Variants in AVEN observed in about 807,000 individuals in gnomAD.
The protein encoded by AVEN is apoptosis and caspase activation inhibitor.
Under a neutral mutation model 38.1 loss-of-function variants are expected in AVEN, and 41 were observed. That is an observed-to-expected ratio of 1.08 (90% CI 0.84 to 1.40). The LOEUF is 1.40. Among genes scored for constraint, AVEN ranks in the 40% most tolerant of loss-of-function variants. The pLI is 0.00. For synonymous variants in AVEN, 206 were observed against 171.8 expected (o/e 1.20, Z -1.56); for missense variants, 605 against 438.8 (o/e 1.38, Z -3.38).
At chr15:33,987,715 T>C (rs1439616038) in intron 2 of AVEN, among the ~76,000 whole-genome samples, 2 of 152,196 alleles carry the variant, frequency 1.3e-5, no homozygotes, top group African/African-American at 2.4e-5. Context: ...GGCTTTTGTT[T>C]CAACTGCAAC....
At chr15:33,975,778 A>C (rs536781462) in intron 2 of AVEN, among the ~76,000 whole-genome samples, 3 of 152,222 alleles carry the variant, frequency 2.0e-5, no homozygotes, top group African/African-American at 7.2e-5. Context: ...GAGAATACAA[A>C]AATTAGCCGG....
intron 2 of AVEN, among the ~76,000 whole-genome samples, chr15:33,930,799 C>CA (rs1357610133): frequency 6.6e-6 from 1 of 151,910 alleles, no homozygotes; most frequent in East Asian, 1.9e-4. Flanking sequence ...ACTAAAAATA[C>CA]AAAAAATTAA....
At chr15:34,064,407 A>G in intron 4 of AVEN, 1 of 1,407,078 alleles carries the variant, frequency 7.1e-7, no homozygotes, top group Non-Finnish European at 9.4e-7. Context: ...ATTTTCAAAA[A>G]GAAGACATCT....
intron 4 of AVEN, among the ~76,000 whole-genome samples, chr15:33,870,397 A>C (rs941325786): frequency 4.6e-5 from 7 of 152,156 alleles, no homozygotes; most frequent in African/African-American, 1.7e-4. Flanking sequence ...TCTCGTTTAA[A>C]TGCCAGCTCA....
chr15:33,861,856 C>T (rs1888355033), downstream of AVEN, among the ~76,000 whole-genome samples: 1 of 152,106 alleles, frequency 6.6e-6, no homozygotes, highest in Admixed American at 6.5e-5. Context: ...AACTCCTGAC[C>T]TCAGGTGATC....
intron 1 of AVEN, among the ~76,000 whole-genome samples, chr15:34,018,622 A>C (rs1898062351): frequency 6.6e-6 from 1 of 152,194 alleles, no homozygotes; most frequent in African/African-American, 2.4e-5. Flanking sequence ...TGCAGCAGCA[A>C]GACTTATTGT....
At chr15:33,853,760 A>G in the AVEN span, 10 of 1,532,462 alleles carry the variant, frequency 6.5e-6, no homozygotes, top group Admixed American at 5.7e-5. Flanking sequence ...AAAAATCACA[A>G]CCGTGTCTTT....
downstream of AVEN, among the ~76,000 whole-genome samples, chr15:33,863,525 C>A (rs530008645): frequency 5.9e-5 from 9 of 152,288 alleles, no homozygotes; most frequent in East Asian, 1.4e-3. Flanking sequence ...TCTCTGAGAT[C>A]ATATAATGTG....
chr15:34,063,310 C>T lies in AVEN; in HGVS notation n.1249G>A. The T allele has an allele frequency of 3.1e-6, 5 of 1,614,138 alleles. No individual in the cohort carries two copies. Among genetic ancestry groups the T allele is most frequent in the Non-Finnish European group, 4.2e-6 (5 of 1,180,038 alleles). The stretch of plus-strand genomic sequence containing the variant: ...GAGCCCACCATCACTTTTGGCACTG[C>T]CATTGCTGCCTTCTACATCCCTGTT... On this transcript the variant is annotated non_coding_transcript_exon_variant, in exon 5 of 12. Coordinates refer to the AVEN transcript ENST00000675287. This position sits in a 1 kb window ranked among gnomAD's most constrained non-coding sequence, Gnocchi z 4.1.
At chr15:33,853,434 A>G in the AVEN span, 5 of 1,258,034 alleles carry the variant, frequency 4.0e-6, no homozygotes, top group African/African-American at 1.5e-5. Context: ...ATTTTGAACT[A>G]TGTCTTCATC....
In AVEN at chr15:33,879,011, G is replaced by T. The variant is rs192634753; in HGVS notation, c.446-3016C>A. Among the ~76,000 whole-genome samples the T allele has an allele frequency of 7.2e-3, 1,098 of 152,110 alleles. 16 individuals carry two copies. Among genetic ancestry groups the T allele is most frequent in the African/African-American group, 0.025 (1,044 of 41,498 alleles). ...TACAAGATTCAGTAATGTAAAAAAG[G>T]CATGCTATATATACTTATTTTTAAT... On this transcript the variant is annotated intron_variant, in intron 2 of 5. Coordinates refer to ENST00000306730, the MANE Select transcript of AVEN (RefSeq NM_020371.3).
intron 4 of AVEN, among the ~76,000 whole-genome samples, chr15:33,868,568 A>G (rs79306679): frequency 2.0e-5 from 3 of 148,016 alleles, no homozygotes; most frequent in East Asian, 2.0e-4. Flanking sequence ...AAAAAAAAAA[A>G]GTCACCAGGA....
intron 1 of AVEN, among the ~76,000 whole-genome samples, chr15:34,074,234 G>C (rs1382163321): frequency 6.6e-6 from 1 of 151,460 alleles, no homozygotes; most frequent in East Asian, 1.9e-4. Context: ...CTGACTTCAA[G>C]TGATCCACCC....
At chr15:33,986,303 G>T (rs555637017) in intron 2 of AVEN, among the ~76,000 whole-genome samples, 2 of 151,958 alleles carry the variant, frequency 1.3e-5, no homozygotes, top group Non-Finnish European at 2.9e-5. Flanking sequence ...TAGAAACGGG[G>T]TTTCACCATG....
At chr15:33,920,561 A>T (rs551310009) in intron 2 of AVEN, among the ~76,000 whole-genome samples, 7 of 152,294 alleles carry the variant, frequency 4.6e-5, no homozygotes, top group African/African-American at 1.7e-4. Flanking sequence ...TTTATCTTTC[A>T]ACGAAAAGAA....
intron 2 of AVEN, among the ~76,000 whole-genome samples, chr15:33,905,431 T>C (rs1037551716): frequency 6.6e-6 from 1 of 152,204 alleles, no homozygotes; most frequent in East Asian, 1.9e-4. Context: ...CTGACATGTA[T>C]TAGATGCTCA....
intron 2 of AVEN, among the ~76,000 whole-genome samples, chr15:33,904,262 A>G (rs998264860): frequency 1.3e-5 from 2 of 152,224 alleles, no homozygotes. Flanking sequence ...TCTACAAAAT[A>G]TTTAAAAATT....
At chr15:34,073,634 C>G (rs533394124) in intron 1 of AVEN, among the ~76,000 whole-genome samples, 1 of 151,124 alleles carries the variant, frequency 6.6e-6, no homozygotes, top group Admixed American at 6.6e-5. Flanking sequence ...AATTCTCCTG[C>G]CTCAGCCTCC....
At chr15:33,900,308 A>ATTTT (rs59027472) in intron 2 of AVEN, among the ~76,000 whole-genome samples, 1 of 147,770 alleles carries the variant, frequency 6.8e-6, no homozygotes, top group African/African-American at 2.5e-5. Context: ...TTGGGAGAAC[A>ATTTT]TTTTTTTTTT....
Sources: allele counts gnomAD v4.1 joint callset (sites outside exome capture counted in the v4.1 genomes callset), GRCh38; gene constraint gnomAD v4.1.1; non-coding constraint Gnocchi (gnomAD v3.1); transcripts MANE v1.5; gene names NCBI Gene and HGNC (gene_info 2026-07-23, HGNC 2026-07-21).